POMT2: variants seen among roughly 807,000 people sequenced by gnomAD.
POMT2 encodes protein O-mannosyl-transferase 2.
In POMT2, 75 loss-of-function variants were observed where a neutral mutation model predicts 100.0. That is an observed-to-expected ratio of 0.75 (90% confidence interval 0.62 to 0.91). POMT2 has a LOEUF of 0.91. Among genes scored for constraint, POMT2 ranks in the 40% least tolerant of loss-of-function variants. POMT2 has a pLI of 0.00. For synonymous variants in POMT2, 378 were observed against 374.1 expected, an observed-to-expected ratio of 1.01 and a Z score of -0.12; for missense variants, 940 against 955.1, an observed-to-expected ratio of 0.98 and a Z score of 0.21.
At chr14:77,299,982 GC>G (rs1313630881) in intron 6 of POMT2, 1 of 287,314 alleles carries the variant, frequency 3.5e-6, no homozygotes, top group African/African-American at 2.2e-5. Context: ...CCTTCCAGAG[GC>G]CTTCCTGGAT....
intron 11 of POMT2, 47 bp downstream of exon 11, chr14:77,288,715 C>A: frequency 1.3e-6 from 2 of 1,517,560 alleles, no homozygotes; most frequent in South Asian, 2.3e-5. Context: ...AACTCCCTCC[C>A]CTTGGTGCCC....
At chr14:77,292,228 A>C (rs1246797067) in intron 9 of POMT2, among the ~76,000 whole-genome samples, 1 of 152,218 alleles carries the variant, frequency 6.6e-6, no homozygotes, top group African/African-American at 2.4e-5. Context: ...ACATGATAGT[A>C]TGTCCTGGGA....
chr14:77,279,901 T>C lies in POMT2; in HGVS notation c.1813A>G (p.Ile605Val). ...CTCCCTGAGAGGAGGTAGAGGGCGA[T>C]GCTCAACAGATTCAGCCACCAAACC... ...PVVWWLNLLS[I>V]ALYLLSGSII... Residue 605 changes from isoleucine to valine, a missense_variant, in exon 18 of 21, where the codon ATC becomes GTC. Transcript: ENST00000261534. 1 of 1,614,080 alleles carries C rather than the reference T, an allele frequency of 6.2e-7. No individual in the cohort carries two copies. Among genetic ancestry groups the C allele is most frequent in the Non-Finnish European group, 8.5e-7 (1 of 1,179,994 alleles).
chr14:77,279,470 C>T (rs1032994538), intron 18 of POMT2: 7 of 484,672 alleles, frequency 1.4e-5, no homozygotes, highest in Non-Finnish European at 2.4e-5. Flanking sequence ...CTGTACACAG[C>T]ATGGGGCTAA....
chr14:77,296,568 A>C, intron 8 of POMT2: 32 of 427,462 alleles, frequency 7.5e-5, no homozygotes, highest in Non-Finnish European at 9.5e-5. Flanking sequence ...TGTCCTTCTC[A>C]AGGTCTCCAC....
rs1313795011 is a variant in POMT2, at chr14:77,320,608, G to T, written c.74C>A (p.Ala25Asp). The T allele has an allele frequency of 4.4e-6, 7 of 1,588,462 alleles. No homozygotes were observed. Among genetic ancestry groups the T allele is most frequent in the Non-Finnish European group, 6.0e-6 (7 of 1,175,124 alleles). ...RPRRGRCGPQ[A>D]ARAAGRDVAA... ...CACGTCCCGGCCTGCGGCCCTAGCA[G>T]CCTGGGGGCCACAGCGGCCCCTCCG... Residue 25 changes from alanine to aspartate, a missense_variant, in exon 1 of 21, where the codon GCT (alanine) becomes GAT (aspartate). By Grantham distance (126) the Ala-to-Asp change is moderately radical. Transcript: ENST00000261534.
intron 11 of POMT2, chr14:77,287,039 T>C (rs1594891109): frequency 3.2e-6 from 3 of 933,814 alleles, no homozygotes; most frequent in African/African-American, 3.4e-5. Flanking sequence ...AGACAGATGG[T>C]AGGAGCACTG....
intron 1 of POMT2, among the ~76,000 whole-genome samples, chr14:77,315,911 C>G (rs914815690): frequency 1.3e-5 from 2 of 152,200 alleles, no homozygotes; most frequent in Admixed American, 6.5e-5. Context: ...ACTCGGGAGG[C>G]TAAGGCAGAG....
chr14:77,308,843 T>C (rs1418718269), intron 2 of POMT2: 3 of 435,760 alleles, frequency 6.9e-6, no homozygotes, highest in Non-Finnish European at 1.4e-5. Flanking sequence ...ATTTTTCATA[T>C]ATACCTGCGC....
chr14:77,285,195 T>C (rs1890376154), intron 13 of POMT2, 154 bp from the exon 14 acceptor site: 2 of 772,628 alleles, frequency 2.6e-6, no homozygotes, highest in South Asian at 1.6e-5. Context: ...TATCCTAGGA[T>C]AGTCTAGCAT....
intron 1 of POMT2, among the ~76,000 whole-genome samples, chr14:77,317,808 G>C (rs1009074735): frequency 2.0e-5 from 3 of 152,250 alleles, no homozygotes; most frequent in African/African-American, 7.2e-5. Context: ...GCCCAGATCA[G>C]CTGGGAGGAG....
chr14:77,299,726 CCA>C, intron 6 of POMT2, 165 bp from the exon 7 acceptor site: 1 of 626,288 alleles, frequency 1.6e-6, no homozygotes, highest in South Asian at 1.6e-5. Context: ...TCTGTAACAC[CCA>C]CCACCCAAGC....
Position 77,276,324 on chromosome 14 carries a change from G to C in POMT2, c.*1052C>G, listed in dbSNP as rs1889950079. The C allele has an allele frequency of 6.5e-6, 1 of 152,736 alleles. No homozygotes were observed. The highest frequency in any genetic ancestry group is 2.4e-5 in the African/African-American group (1 of 41,470). 9.5% of individuals were successfully genotyped at this position (152,736 alleles called of 1,614,324 possible). A position where few individuals can be genotyped will look rare whatever the true frequency, so the allele number is the denominator to read the frequency against. ...AGAGAAAGGGAATTGCCCACGGAGTGAGGGAGGGGTGAGCAGAGGAGGACT... is the reference window on the plus strand; with the variant it reads ...AGAGAAAGGGAATTGCCCACGGAGTCAGGGAGGGGTGAGCAGAGGAGGACT... On this transcript the variant is annotated 3_prime_UTR_variant, in exon 21 of 21. Coordinates refer to ENST00000261534, the MANE Select transcript of POMT2 (RefSeq NM_013382.7).
intron 11 of POMT2, chr14:77,287,049 G>GGA (rs2140189246): frequency 1.2e-6 from 1 of 832,716 alleles, no homozygotes; most frequent in African/African-American, 1.7e-5. Context: ...TAGGAGCACT[G>GGA]GACGGCATGC....
chr14:77,307,139 C>A (rs1891254266), intron 2 of POMT2, among the ~76,000 whole-genome samples: 1 of 152,218 alleles, frequency 6.6e-6, no homozygotes, highest in Admixed American at 6.5e-5. Context: ...TGGCCATCAA[C>A]ATTATAAAAT....
At chr14:77,308,576 G>A (rs1891319302) in intron 2 of POMT2, among the ~76,000 whole-genome samples, 1 of 151,806 alleles carries the variant, frequency 6.6e-6, no homozygotes, top group Non-Finnish European at 1.5e-5. Context: ...GGCTGGTCTC[G>A]AACTCCTGAC....
At chr14:77,285,158 A>C in intron 13 of POMT2, 117 bp from the exon 14 acceptor site, 1 of 938,092 alleles carries the variant, frequency 1.1e-6, no homozygotes, top group Non-Finnish European at 1.7e-6. Context: ...GGTGGCCATT[A>C]TTTCTTCATG....
At chr14:77,290,345 T>C (rs553854468) in intron 10 of POMT2, among the ~76,000 whole-genome samples, 26 of 152,318 alleles carry the variant, frequency 1.7e-4, no homozygotes, top group African/African-American at 6.0e-4. Context: ...TATAAAAGTA[T>C]AGAAACAGAC....
At chr14:77,300,420 A>G (rs1890982171) in intron 6 of POMT2, 2 of 155,120 alleles carry the variant, frequency 1.3e-5, no homozygotes, top group African/African-American at 4.8e-5. Flanking sequence ...AATGAAGGTA[A>G]AGCGTTTCGC....
Sources: allele counts gnomAD v4.1 joint callset (sites outside exome capture counted in the v4.1 genomes callset), GRCh38; gene constraint gnomAD v4.1.1; transcripts MANE v1.5; gene names NCBI Gene and HGNC (gene_info 2026-07-23, HGNC 2026-07-21).